SLC10A7: variants seen among roughly 807,000 people sequenced by gnomAD.
The protein encoded by SLC10A7 is solute carrier family 10 member 7, also known as sodium/bile acid cotransporter 7.
Under a neutral mutation model 43.2 loss-of-function variants are expected in SLC10A7, and 29 were observed. The observed-to-expected ratio is 0.67, with a 90% CI of 0.50 to 0.92. The LOEUF is 0.92. Among genes scored for constraint, SLC10A7 ranks in the 40% least tolerant of loss-of-function variants. The probability of loss-of-function intolerance (pLI) is 0.00; values close to 1 mark genes in which losing one functional copy is unlikely to be tolerated. For missense variants in SLC10A7, 295 were observed against 403.2 expected (o/e 0.73, Z 2.30); for synonymous variants, 152 against 144.8 (o/e 1.05, Z -0.35).
At chr4:146,272,827 A>G (rs1181770883) in intron 10 of SLC10A7, among the ~76,000 whole-genome samples, 1 of 152,170 alleles carries the variant, frequency 6.6e-6, no homozygotes, top group African/African-American at 2.4e-5. Flanking sequence ...AATAATAATA[A>G]TAAACAAATC....
In SLC10A7 at chr4:146,488,142, G is replaced by A. The variant is rs543899159; in HGVS notation, c.396+15707C>T. On this transcript the variant is annotated intron_variant, in intron 4 of 11. Transcript: ENST00000335472. ...GGAGGTCAAGGCTGCAGTGAGCCACGATCATACCACTGTACTTCTGCCGTG... is the reference window on the plus strand; with the variant it reads ...GGAGGTCAAGGCTGCAGTGAGCCACAATCATACCACTGTACTTCTGCCGTG... Among the ~76,000 whole-genome samples the A allele has an allele frequency of 1.8e-4, 27 of 151,954 alleles. No homozygotes were observed. The South Asian group carries it at 5.2e-3, about 29-fold the overall frequency.
intron 9 of SLC10A7, among the ~76,000 whole-genome samples, chr4:146,289,241 A>T (rs1333025084): frequency 1.3e-5 from 2 of 152,178 alleles, no homozygotes; most frequent in Non-Finnish European, 2.9e-5. Context: ...GATCATCGCC[A>T]TCTTCCTTGC....
rs370202581 is a variant in SLC10A7, at chr4:146,509,899, A to C, written c.320+14T>G. 7.0e-5 allele frequency: 112 copies of C among 1,604,348 alleles called. No homozygotes were observed. The highest frequency in any genetic ancestry group is 9.3e-5 in the Non-Finnish European group (110 of 1,177,158). ...CCATTAAAAGTGGACCCACTTTTAA[A>C]GATTTAAACATACCCTTTTAAAAGC... is the stretch of plus-strand genomic sequence containing the variant. On this transcript the variant is annotated intron_variant, in intron 3 of 11. Coordinates refer to ENST00000335472, the MANE Select transcript of SLC10A7 (RefSeq NM_001029998.6).
chr4:146,362,815 G>A (rs927754882), intron 5 of SLC10A7, among the ~76,000 whole-genome samples: 2 of 151,796 alleles, frequency 1.3e-5, no homozygotes, highest in Non-Finnish European at 2.9e-5. Flanking sequence ...GTTATAAGAT[G>A]TTATTTGCAA....
At chr4:146,441,849 TAAC>T (rs1398937586) in intron 5 of SLC10A7, 1 of 985,000 alleles carries the variant, frequency 1.0e-6, no homozygotes, top group Non-Finnish European at 1.2e-6. Flanking sequence ...TAACACTATG[TAAC>T]AACATGTTTA....
intron 5 of SLC10A7, among the ~76,000 whole-genome samples, chr4:146,430,849 G>T (rs1435362874): frequency 6.6e-6 from 1 of 152,076 alleles, no homozygotes; most frequent in Admixed American, 6.5e-5. Context: ...GTTTATATTA[G>T]TAGAATTTTT....
In SLC10A7 at chr4:146,521,678, C is replaced by T. The variant is rs111495215; in HGVS notation, c.40G>A (p.Val14Ile). The change falls in exon 1 of 12, where the codon GTC becomes ATC. Residue 14 changes from valine to isoleucine, a missense_variant. Physicochemically the swap from Val to Ile is conservative, Grantham distance 29. Around this residue, in one of 2 missense-constraint regions of SLC10A7, gnomAD observed 53 missense variants for 40.7 expected, o/e 1.30. Transcript: ENST00000335472. Reference protein sequence around the residue: ...LERMRKDWFMVGIVLAIAGAK... With the variant: ...LERMRKDWFMIGIVLAIAGAK... ...CCAGCGATCGCCAGCACTATTCCGA[C>T]CATGAACCAGTCTTTCCTCATTCTC... is the stretch of plus-strand genomic sequence containing the variant. The T allele has an allele frequency of 1.1e-5, 17 of 1,614,194 alleles. No homozygotes were observed. Among genetic ancestry groups the T allele is most frequent in the Middle Eastern group, 1.6e-4 (1 of 6,062 alleles).
At chr4:146,510,574 G>A (rs892296976) in intron 2 of SLC10A7, among the ~76,000 whole-genome samples, 1 of 152,018 alleles carries the variant, frequency 6.6e-6, no homozygotes, top group African/African-American at 2.4e-5. Context: ...TTTTTTAAAT[G>A]TTCTTATTCT....
At chr4:146,473,516 A>G (rs1733771869) in intron 4 of SLC10A7, among the ~76,000 whole-genome samples, 1 of 152,314 alleles carries the variant, frequency 6.6e-6, no homozygotes, top group East Asian at 1.9e-4. Flanking sequence ...AGATGTTTGA[A>G]ATCATAATTC....
At position 146,254,655 on chromosome 4, in the gene SLC10A7, G is replaced by T. The variant is rs1168627038; in HGVS notation, c.*1836C>A. The T allele has an allele frequency of 6.6e-6, 1 of 152,178 alleles. No homozygotes were observed. Among genetic ancestry groups the T allele is most frequent in the East Asian group, 1.9e-4 (1 of 5,198 alleles). The allele number at this position is 152,178 out of a possible 1,614,324, so 9.4% of individuals were successfully genotyped here. On this transcript the variant is annotated 3_prime_UTR_variant, in exon 12 of 12. Transcript: ENST00000335472. The stretch of plus-strand genomic sequence containing the variant: ...AGACAATAGAGGTAGATAAGTTGGG[G>T]GCGGGGATCAGTATTTTAATGTTAG...
intron 5 of SLC10A7, among the ~76,000 whole-genome samples, chr4:146,366,722 G>T (rs552569626): frequency 6.6e-6 from 1 of 152,074 alleles, no homozygotes; most frequent in African/African-American, 2.4e-5. Context: ...TTATAAATTT[G>T]ATGTAATAGA....
At chr4:146,289,845 A>G (rs1730294973) in intron 9 of SLC10A7, among the ~76,000 whole-genome samples, 1 of 148,448 alleles carries the variant, frequency 6.7e-6, no homozygotes, top group Admixed American at 6.8e-5. Flanking sequence ...CCTCTGGAGT[A>G]GCTGGGATTA....
intron 9 of SLC10A7, among the ~76,000 whole-genome samples, chr4:146,285,816 G>C (rs1729860913): frequency 6.6e-6 from 1 of 152,124 alleles, no homozygotes; most frequent in Admixed American, 6.5e-5. Flanking sequence ...TGGTGAGAAA[G>C]ACTGTGTTTG....
chr4:146,444,242 CA>C (rs1730846769), intron 4 of SLC10A7, among the ~76,000 whole-genome samples: 1 of 152,122 alleles, frequency 6.6e-6, no homozygotes, highest in Non-Finnish European at 1.5e-5. Flanking sequence ...GTACCTTTCC[CA>C]CAAGCAATTT....
chr4:146,314,407 A>G (rs1732185426), intron 6 of SLC10A7, among the ~76,000 whole-genome samples: 1 of 152,178 alleles, frequency 6.6e-6, no homozygotes, highest in Admixed American at 6.6e-5. Context: ...TTCTGTGTAC[A>G]TATGTGTTTG....
Position 146,320,800 on chromosome 4 carries a change from CA to C in SLC10A7, c.471+5160del, listed in dbSNP as rs574298162. Among the ~76,000 whole-genome samples, 596 of 152,104 alleles carry C rather than the reference CA, an allele frequency of 3.9e-3. 2 individuals carry two copies. Among genetic ancestry groups the C allele is most frequent in the African/African-American group, 0.013 (546 of 41,502 alleles). On this transcript the variant is annotated intron_variant, in intron 6 of 11. Coordinates refer to ENST00000335472, the MANE Select transcript of SLC10A7 (RefSeq NM_001029998.6). The stretch of plus-strand genomic sequence containing the variant: ...TGATAATTACAACAAAGAGGAGTAG[CA>C]GGTGGTATAGCTGTGTTGGTACAAC...
chr4:146,416,942 G>A (rs1369669270), intron 5 of SLC10A7, among the ~76,000 whole-genome samples: 1 of 152,072 alleles, frequency 6.6e-6, no homozygotes, highest in South Asian at 2.1e-4. Flanking sequence ...CTGCTCAAAT[G>A]TTCTTTTATA....
At chr4:146,393,569 G>A (rs1220543969) in intron 5 of SLC10A7, among the ~76,000 whole-genome samples, 1 of 152,226 alleles carries the variant, frequency 6.6e-6, no homozygotes, top group Non-Finnish European at 1.5e-5. Flanking sequence ...TAGACATTGT[G>A]CTGGCACTGG....
chr4:146,397,168 T>C (rs1197164073), intron 5 of SLC10A7, among the ~76,000 whole-genome samples: 1 of 152,184 alleles, frequency 6.6e-6, no homozygotes, highest in Non-Finnish European at 1.5e-5. Flanking sequence ...ATATTTATGA[T>C]ATTTACGATT....
Sources: gnomAD v4.1 joint callset for allele counts (sites outside exome capture counted in the v4.1 genomes callset) on GRCh38, gnomAD v4.1.1 for gene constraint, gnomAD v4.1.1 regional missense constraint, MANE v1.5 for transcripts, NCBI Gene and HGNC (gene_info 2026-07-23, HGNC 2026-07-21) for gene names.